NFASC: variants seen among roughly 807,000 people sequenced by gnomAD.
NFASC encodes the protein neurofascin homolog.
A neutral mutation model predicts 147.5 loss-of-function variants in NFASC; 43 were observed. That is an observed-to-expected ratio of 0.29 (90% CI 0.23 to 0.38). The LOEUF (loss-of-function observed/expected upper bound fraction) is 0.38. Among genes scored for constraint, NFASC ranks in the 10% least tolerant of loss-of-function variants. The probability of loss-of-function intolerance (pLI) is 1.00; values close to 1 mark genes in which losing one functional copy is unlikely to be tolerated. For missense variants in NFASC, 1,320 were observed against 1,689.0 expected, an observed-to-expected ratio of 0.78 and a Z score of 3.83; for synonymous variants, 622 against 665.5, an observed-to-expected ratio of 0.93 and a Z score of 1.01.
chr1:204,965,910 T>C (rs1317528553), intron 8 of NFASC, among the ~76,000 whole-genome samples: 1 of 152,222 alleles, frequency 6.6e-6, no homozygotes, highest in Admixed American at 6.5e-5. Flanking sequence ...GTCTGTTGAC[T>C]TCACTGAGCC....
intron 1 of NFASC, among the ~76,000 whole-genome samples, chr1:204,912,242 G>A (rs2087734838): frequency 6.6e-6 from 1 of 151,520 alleles, no homozygotes; most frequent in Non-Finnish European, 1.5e-5. Flanking sequence ...ACTGATTTGA[G>A]GTGTTTCCTG....
intron 1 of NFASC, among the ~76,000 whole-genome samples, chr1:204,902,916 G>A (rs773135812): frequency 6.6e-6 from 1 of 152,218 alleles, no homozygotes; most frequent in Non-Finnish European, 1.5e-5. Flanking sequence ...AGGTATGTGT[G>A]AATGTATTTC....
intron 1 of NFASC, among the ~76,000 whole-genome samples, chr1:204,897,124 T>C (rs1382523900): frequency 6.6e-6 from 1 of 152,084 alleles, no homozygotes; most frequent in Middle Eastern, 3.4e-3. Flanking sequence ...GGTGTTTCAT[T>C]CATGTGTACA....
At chr1:204,988,447 A>G (rs1558385260) in intron 22 of NFASC, among the ~76,000 whole-genome samples, 186 bp from the exon 23 acceptor site, 1 of 152,240 alleles carries the variant, frequency 6.6e-6, no homozygotes, top group Non-Finnish European at 1.5e-5. Flanking sequence ...GGGTGTAATC[A>G]AAGAGCCCGG....
chr1:204,971,964 C>A (rs1036539718), intron 11 of NFASC, among the ~76,000 whole-genome samples: 1 of 152,198 alleles, frequency 6.6e-6, no homozygotes, highest in African/African-American at 2.4e-5. Context: ...CTGTCACTCT[C>A]CCCAGGGAAC....
rs565838238 is a variant in NFASC at position 204,975,951 on chromosome 1, G to T, written c.1706+533G>T. On this transcript the variant is annotated intron_variant, in intron 15 of 29. Transcript: ENST00000339876. This position sits in a 1 kb window ranked among gnomAD's most constrained non-coding sequence, Gnocchi z 4.0. The stretch of plus-strand genomic sequence containing the variant: ...GGGTAGGACTTAGGACACTGGCAGG[G>T]TTTAAAAGTCCCCCTGGGGGTTCCA... 4.6e-5 allele frequency among the ~76,000 whole-genome samples: 7 copies of T among 152,260 alleles called. No individual in the cohort carries two copies. The highest frequency in any genetic ancestry group is 1.7e-4 in the African/African-American group (7 of 41,536).
chr1:204,984,006 C>G lies in NFASC; in HGVS notation c.2470+1986C>G, dbSNP rs557623964. ...TAGAGTCCTGCCTGCATAACCAGCT[C>G]TCTGTCCCAACACATTGCAGATCCC... On this transcript the variant is annotated intron_variant, in intron 21 of 29. Transcript: ENST00000339876. 9.6e-6 allele frequency: 15 copies of G among 1,565,782 alleles called. No homozygotes were observed. In the South Asian group the frequency reaches 1.6e-4, roughly 16 times the overall value.
intron 1 of NFASC, among the ~76,000 whole-genome samples, chr1:204,842,832 C>T (rs1228803702): frequency 6.6e-6 from 1 of 152,250 alleles, no homozygotes; most frequent in Non-Finnish European, 1.5e-5. Context: ...CTTTCCTCCT[C>T]CATCTGGCTG....
chr1:205,009,000 TCCCC>T, intron 27 of NFASC: 1 of 181,472 alleles, frequency 5.5e-6, no homozygotes, highest in Non-Finnish European at 1.2e-5. Flanking sequence ...CTTGGTCCAG[TCCCC>T]ACCCTCAGGA....
At chr1:204,967,754 T>C (rs1380491486) in intron 8 of NFASC, 1 of 153,014 alleles carries the variant, frequency 6.5e-6, no homozygotes, top group African/African-American at 2.4e-5. Context: ...TTGTGCGGGC[T>C]TTGTGACTCC....
chr1:204,997,259 A>C lies in NFASC; in HGVS notation c.2872A>C (p.Thr958Pro). The C allele has an allele frequency of 1.2e-6, 2 of 1,613,694 alleles. No individual in the cohort carries two copies. The highest frequency in any genetic ancestry group is 1.7e-6 in the Non-Finnish European group (2 of 1,179,798). The change falls in exon 25 of 30, where the codon ACA becomes CCA. Residue 958 changes from threonine (T) to proline (P), a missense_variant. Coordinates refer to ENST00000339876, the MANE Select transcript of NFASC (RefSeq NM_001005388.3). ...TGCCATTGCTGCCACCACCGAAGCC[A>C]CAACAGTCCCCATCATCCCAACTGT... is the stretch of plus-strand genomic sequence containing the variant. ...ATAIAATTEA[T>P]TVPIIPTVAP...
At chr1:204,852,774 G>T (rs1016753332) in intron 1 of NFASC, among the ~76,000 whole-genome samples, 1 of 152,218 alleles carries the variant, frequency 6.6e-6, no homozygotes, top group African/African-American at 2.4e-5. Context: ...GGACTCTGGG[G>T]GTACTGCTGT....
chr1:204,951,102 G>A (rs1024913790), intron 4 of NFASC, among the ~76,000 whole-genome samples: 13 of 151,602 alleles, frequency 8.6e-5, no homozygotes, highest in African/African-American at 3.1e-4. Flanking sequence ...AGGTAAGGAT[G>A]AGTAAACTAA....
At position 204,997,377 on chromosome 1, in the gene NFASC, C is replaced by T. The variant is rs1268134321; in HGVS notation, c.2990C>T (p.Thr997Ile). 3 of 1,553,220 alleles carry T rather than the reference C, an allele frequency of 1.9e-6. No individual in the cohort carries two copies. Among genetic ancestry groups the T allele is most frequent in the Admixed American group, 3.9e-5 (2 of 51,072 alleles). ...ACCACCACGGAGAGTCCTCCCACCA[C>T]CACCTCCGGGACTAAGATACACGAA... is the stretch of plus-strand genomic sequence containing the variant. ...ATTTTESPPT[T>I]TSGTKIHESA... Residue 997 changes from threonine to isoleucine, a missense_variant, in exon 25 of 30, where the codon ACC becomes ATC. Thr to Ile is a moderately conservative substitution (Grantham distance 89). Coordinates refer to ENST00000339876, the MANE Select transcript of NFASC (RefSeq NM_001005388.3).
In NFASC at chr1:205,018,550, G is replaced by C. The variant is rs1033159514; in HGVS notation, c.*2011G>C. The C allele has an allele frequency of 1.3e-5, 2 of 152,722 alleles. No individual in the cohort carries two copies. The highest frequency in any genetic ancestry group is 2.9e-5 in the Non-Finnish European group (2 of 68,062). 9.5% of individuals were successfully genotyped at this position (152,722 alleles called of 1,614,324 possible). On this transcript the variant is annotated 3_prime_UTR_variant, in exon 30 of 30. Coordinates refer to ENST00000339876, the MANE Select transcript of NFASC (RefSeq NM_001005388.3). The stretch of plus-strand genomic sequence containing the variant: ...AGCTAGGGCTGCTGCCTGGACGCCT[G>C]AGGGGCAGCTTATCACAGTGCAAGG...
intron 2 of NFASC, among the ~76,000 whole-genome samples, chr1:204,935,883 T>G (rs1157045391): frequency 6.6e-6 from 1 of 152,220 alleles, no homozygotes; most frequent in Non-Finnish European, 1.5e-5. Context: ...ATTAGGCTGC[T>G]GCACAGGGTT....
chr1:204,904,936 C>T (rs946597964), intron 1 of NFASC, among the ~76,000 whole-genome samples: 2 of 152,058 alleles, frequency 1.3e-5, no homozygotes, highest in East Asian at 1.9e-4. Context: ...TAAGTATCTA[C>T]AAACCTACCA....
In NFASC at chr1:205,010,484, C is replaced by T. The variant is rs1374562058; in HGVS notation, c.3421+796C>T. On this transcript the variant is annotated intron_variant, in intron 28 of 29. Coordinates refer to ENST00000339876, the MANE Select transcript of NFASC (RefSeq NM_001005388.3). The surrounding 1 kb of genome is among the most constrained non-coding windows in gnomAD (Gnocchi z 4.1). ...GCAGGTGTCGGAGGTCCCAGCTATT[C>T]AACAGGCTGAGGTGGGAGGATTACC... is the stretch of plus-strand genomic sequence containing the variant. The T allele has an allele frequency of 2.0e-5, 3 of 152,176 alleles. No homozygotes were observed. Among genetic ancestry groups the T allele is most frequent in the Admixed American group, 2.0e-4 (3 of 15,278 alleles). 9.4% of individuals were successfully genotyped at this position (152,176 alleles called of 1,614,324 possible).
intron 28 of NFASC, chr1:205,011,015 CA>C (rs2096244868): frequency 6.6e-6 from 1 of 152,118 alleles, no homozygotes; most frequent in Non-Finnish European, 1.5e-5. Flanking sequence ...TACACAGGAG[CA>C]AGAGAGCCAT....
Sources: allele counts gnomAD v4.1 joint callset (sites outside exome capture counted in the v4.1 genomes callset), GRCh38; gene constraint gnomAD v4.1.1; non-coding constraint Gnocchi (gnomAD v3.1); transcripts MANE v1.5; gene names NCBI Gene and HGNC (gene_info 2026-07-23, HGNC 2026-07-21).